ARHGAP24: variants seen among roughly 807,000 people sequenced by gnomAD.
ARHGAP24 encodes Rho GTPase activating protein 24, also known as rho GTPase-activating protein 24.
ARHGAP24 carries 50 observed loss-of-function variants against 76.4 expected under a neutral mutation model. The ratio of observed to expected loss-of-function variants is 0.65; its 90% confidence interval spans 0.52 to 0.83. ARHGAP24 has a LOEUF of 0.83. Ranked by LOEUF, ARHGAP24 falls within the 40% of genes least tolerant of loss-of-function variation. The probability of loss-of-function intolerance (pLI) is 0.00; values close to 1 mark genes in which losing one functional copy is unlikely to be tolerated. For synonymous variants in ARHGAP24, 345 were observed against 323.3 expected, an observed-to-expected ratio of 1.07 and a Z score of -0.72; for missense variants, 930 against 914.2, an observed-to-expected ratio of 1.02 and a Z score of -0.22.
At chr4:85,930,658 A>G (rs1186718828) in intron 4 of ARHGAP24, 1 of 1,112,162 alleles carries the variant, frequency 9.0e-7, no homozygotes, top group Non-Finnish European at 1.1e-6. Context: ...ACATTTTGGA[A>G]TGTCTGCAGA....
At chr4:85,594,594 T>A (rs536214833) in intron 2 of ARHGAP24, among the ~76,000 whole-genome samples, 4 of 152,182 alleles carry the variant, frequency 2.6e-5, no homozygotes, top group African/African-American at 9.6e-5. Context: ...AGCCATTGAA[T>A]TGCCTTCTAA....
intron 1 of ARHGAP24, among the ~76,000 whole-genome samples, chr4:85,532,233 T>C (rs1250740126): frequency 6.6e-6 from 1 of 152,094 alleles, no homozygotes; most frequent in Non-Finnish European, 1.5e-5. Flanking sequence ...TTGTGATTGA[T>C]AGTGTTTTAC....
intron 5 of ARHGAP24, among the ~76,000 whole-genome samples, chr4:85,966,337 T>G (rs2148846596): frequency 6.6e-6 from 1 of 152,272 alleles, no homozygotes; most frequent in Admixed American, 6.5e-5. Flanking sequence ...TGCAGTTCTC[T>G]GCCATCAGTA....
At chr4:85,987,419 A>G (rs1443834245) in intron 8 of ARHGAP24, among the ~76,000 whole-genome samples, 1 of 152,094 alleles carries the variant, frequency 6.6e-6, no homozygotes. Context: ...AATGTTTTCC[A>G]TACAACTAAA....
chr4:85,996,517 C>T (rs1740670331), intron 9 of ARHGAP24, among the ~76,000 whole-genome samples: 1 of 152,076 alleles, frequency 6.6e-6, no homozygotes, highest in Non-Finnish European at 1.5e-5. Flanking sequence ...GTTAAGTTGG[C>T]TTTAATTTAC....
chr4:85,851,297 C>G (rs764062713), intron 3 of ARHGAP24, among the ~76,000 whole-genome samples: 1 of 152,094 alleles, frequency 6.6e-6, no homozygotes, highest in Non-Finnish European at 1.5e-5. Flanking sequence ...TTTTCATTTG[C>G]TTGGTAGATC....
chr4:85,608,148 G>A (rs372280401), intron 2 of ARHGAP24, among the ~76,000 whole-genome samples: 22 of 152,136 alleles, frequency 1.4e-4, no homozygotes, highest in East Asian at 1.2e-3. Flanking sequence ...TTATTCAAGT[G>A]TATGCTCAAA....
rs1260407628 is a variant in ARHGAP24, at chr4:85,942,191, C to A, written c.517C>A (p.Leu173Ile). The A allele has an allele frequency of 6.2e-7, 1 of 1,614,070 alleles. No homozygotes were observed. Among genetic ancestry groups the A allele is most frequent in the Non-Finnish European group, 8.5e-7 (1 of 1,180,010 alleles). The change falls in exon 5 of 10, where the codon CTC becomes ATC. Residue 173 changes from leucine to isoleucine, a missense_variant. Physicochemically the swap from Leu to Ile is conservative, Grantham distance 5. Coordinates refer to ENST00000395184, the MANE Select transcript of ARHGAP24 (RefSeq NM_001025616.3). Reference protein sequence around the residue: ...IRQRGLKEEGLFRLPGQANLV... With the variant: ...IRQRGLKEEGIFRLPGQANLV... ...ACAAAGGGGGCTGAAAGAAGAGGGT[C>A]TCTTTCGACTGCCAGGCCAGGCTAA... is the stretch of plus-strand genomic sequence containing the variant.
chr4:85,895,268 C>G (rs1369030726), intron 3 of ARHGAP24, among the ~76,000 whole-genome samples: 1 of 152,092 alleles, frequency 6.6e-6, no homozygotes, highest in East Asian at 1.9e-4. Context: ...AAATAAAGGA[C>G]ATAGTTTACT....
chr4:85,734,708 A>G (rs1725542175), intron 3 of ARHGAP24, among the ~76,000 whole-genome samples: 1 of 126,288 alleles, frequency 7.9e-6, no homozygotes, highest in African/African-American at 2.9e-5. Context: ...CTGATGTGTC[A>G]CTTGCTTATC....
At chr4:85,887,133 TAGA>T (rs1656475277) in intron 3 of ARHGAP24, among the ~76,000 whole-genome samples, 1 of 152,130 alleles carries the variant, frequency 6.6e-6, no homozygotes, top group Non-Finnish European at 1.5e-5. Context: ...TGAAAAGGAC[TAGA>T]AGAAGACAAA....
chr4:85,552,206 A>G (rs775924221), intron 1 of ARHGAP24, among the ~76,000 whole-genome samples: 2 of 152,132 alleles, frequency 1.3e-5, no homozygotes, highest in Non-Finnish European at 2.9e-5. Context: ...TTTCCTAGAC[A>G]TTCTGGCATG....
At chr4:85,948,874 CTT>C (rs1737435876) in intron 5 of ARHGAP24, among the ~76,000 whole-genome samples, 1 of 152,116 alleles carries the variant, frequency 6.6e-6, no homozygotes, top group African/African-American at 2.4e-5. Context: ...CATCGAGACT[CTT>C]TGACCAGCTA....
intron 7 of ARHGAP24, among the ~76,000 whole-genome samples, chr4:85,976,681 C>G (rs1270541120): frequency 7.9e-5 from 12 of 151,992 alleles, no homozygotes; most frequent in Non-Finnish European, 1.6e-4. Flanking sequence ...TTATTTCATG[C>G]CTCTTACTTT....
chr4:85,878,428 T>C lies in ARHGAP24; in HGVS notation c.269-45220T>C, dbSNP rs546196018. Among the ~76,000 whole-genome samples the C allele has an allele frequency of 2.0e-5, 3 of 152,270 alleles. No homozygotes were observed. The South Asian group carries it at 6.2e-4, about 32-fold the overall frequency. ...CTATGGAATGTCTAGCCAGCCAATT[T>C]TTAGTGTTACAATTAATATCAATTT... On this transcript the variant is annotated intron_variant, in intron 3 of 9. Coordinates refer to ENST00000395184, the MANE Select transcript of ARHGAP24 (RefSeq NM_001025616.3).
intron 2 of ARHGAP24, among the ~76,000 whole-genome samples, chr4:85,587,516 T>G (rs1255338347): frequency 6.6e-6 from 1 of 152,244 alleles, no homozygotes; most frequent in Non-Finnish European, 1.5e-5. Context: ...TTGTTCAGTA[T>G]AGGCTTGTGA....
At chr4:85,650,441 C>G (rs1167770053) in intron 2 of ARHGAP24, among the ~76,000 whole-genome samples, 1 of 149,270 alleles carries the variant, frequency 6.7e-6, no homozygotes, top group African/African-American at 2.6e-5. Context: ...TGACCTTGGC[C>G]AATAATCTTG....
intron 3 of ARHGAP24, among the ~76,000 whole-genome samples, chr4:85,830,980 C>T (rs1729966123): frequency 6.6e-6 from 1 of 152,190 alleles, no homozygotes; most frequent in Non-Finnish European, 1.5e-5. Context: ...AAAATAAATA[C>T]AGCCTGGTTG....
intron 3 of ARHGAP24, among the ~76,000 whole-genome samples, chr4:85,818,712 T>C (rs1378508235): frequency 6.6e-6 from 1 of 152,198 alleles, no homozygotes; most frequent in Admixed American, 6.5e-5. Flanking sequence ...TTGTTTTAGA[T>C]AATATATATT....
Sources: gnomAD v4.1 joint callset for allele counts (sites outside exome capture counted in the v4.1 genomes callset) on GRCh38, gnomAD v4.1.1 for gene constraint, MANE v1.5 for transcripts, NCBI Gene and HGNC (gene_info 2026-07-23, HGNC 2026-07-21) for gene names.